The following MICAL3 variants were observed in gnomAD, a reference collection of about 807,000 sequenced individuals.
The protein encoded by MICAL3 is [F-actin]-monooxygenase MICAL3.
Under a neutral mutation model 207.4 loss-of-function variants are expected in MICAL3, and 62 were observed. The observed-to-expected ratio is 0.30, with a 90% CI of 0.24 to 0.37. The LOEUF (loss-of-function observed/expected upper bound fraction) is 0.37. Among genes scored for constraint, MICAL3 ranks in the 10% least tolerant of loss-of-function variants. The pLI is 1.00. For synonymous variants in MICAL3, 1,077 were observed against 1,069.3 expected (o/e 1.01, Z -0.14); for missense variants, 2,368 against 2,635.6 (o/e 0.90, Z 2.22).
Position 17,904,729 on chromosome 22 carries a change from G to T in MICAL3, c.375C>A (p.Asn125Lys). 6.2e-7 allele frequency: 1 copy of T among 1,613,834 alleles called. No individual in the cohort carries two copies. Among genetic ancestry groups the T allele is most frequent in the Non-Finnish European group, 8.5e-7 (1 of 1,179,724 alleles). The change falls in exon 3 of 32, where the codon AAC becomes AAA. Residue 125 changes from asparagine to lysine, a missense_variant. Physicochemically the swap from Asn to Lys is moderately conservative, Grantham distance 94 (BLOSUM62 0). Transcript: ENST00000441493. ...TGGTGAATGGCCAGAGATGCAAGAC[G>T]TTGTTGCGGGAGAAGGCATCTCGTT... is the stretch of plus-strand genomic sequence containing the variant. ...IEKRDAFSRN[N>K]VLHLWPFTIH...
chr22:17,907,357 G>A lies in MICAL3; in HGVS notation c.-74-471C>T, dbSNP rs191881421. Among the ~76,000 whole-genome samples, 304 of 152,276 alleles carry A rather than the reference G, an allele frequency of 2.0e-3. 1 individual carries two copies. The highest frequency in any genetic ancestry group is 7.0e-3 in the African/African-American group (289 of 41,574). On this transcript the variant is annotated intron_variant, in intron 1 of 31. Coordinates refer to ENST00000441493, the MANE Select transcript of MICAL3 (RefSeq NM_015241.3). ...GCCTGAGTGACTCGTACAGATCAAA[G>A]AGGCAAGGATAACTCCCAGGTTTCC...
chr22:17,951,364 T>A (rs1177582762), intron 1 of MICAL3, among the ~76,000 whole-genome samples: 1 of 152,124 alleles, frequency 6.6e-6, no homozygotes, highest in Non-Finnish European at 1.5e-5. Context: ...AAGCTCCATC[T>A]ACCTTACTAT....
intron 13 of MICAL3, 48 bp downstream of exon 13, chr22:17,888,986 C>T (rs979052536): frequency 4.3e-6 from 6 of 1,384,716 alleles, no homozygotes; most frequent in Non-Finnish European, 6.0e-6. Context: ...ACAGCCGGGC[C>T]ACAGCACAGC....
At chr22:17,975,699 C>T (rs1275641886) in intron 1 of MICAL3, among the ~76,000 whole-genome samples, 2 of 152,116 alleles carry the variant, frequency 1.3e-5, no homozygotes, top group African/African-American at 4.8e-5. Context: ...CCCCAAAAAA[C>T]AGAACCCAGC....
intron 17 of MICAL3, among the ~76,000 whole-genome samples, chr22:17,870,393 C>T (rs2146161735): frequency 6.6e-6 from 1 of 152,214 alleles, no homozygotes; most frequent in East Asian, 1.9e-4. Context: ...GAGCCTTTCG[C>T]TGCACACACT....
rs1325284169 is a variant in MICAL3 at position 17,790,510 on chromosome 22, C to G, written c.*222G>C. 2 of 574,998 alleles carry G rather than the reference C, an allele frequency of 3.5e-6. No individual in the cohort carries two copies. The highest frequency in any genetic ancestry group is 3.7e-5 in the African/African-American group (2 of 53,510). The allele number at this position is 574,998 out of a possible 1,614,324, so 35.6% of individuals were successfully genotyped here. A position where few individuals can be genotyped will look rare whatever the true frequency, so the allele number is the denominator to read the frequency against. On this transcript the variant is annotated 3_prime_UTR_variant, in exon 32 of 32. Transcript: ENST00000441493. The stretch of plus-strand genomic sequence containing the variant: ...GTGCTGCTCCTCTGAGTGGGAGGTC[C>G]AGGTGGGCCTCCTCCCAGGAGGTGG...
At chr22:17,838,694 T>G (rs901333625) in intron 20 of MICAL3, among the ~76,000 whole-genome samples, 2 of 152,206 alleles carry the variant, frequency 1.3e-5, no homozygotes, top group Admixed American at 1.3e-4. Flanking sequence ...TGCTGTCCCC[T>G]GCAGCAGAGG....
intron 27 of MICAL3, among the ~76,000 whole-genome samples, chr22:17,812,268 G>A (rs1569075164): frequency 1.3e-5 from 2 of 152,192 alleles, no homozygotes; most frequent in Admixed American, 6.5e-5. Flanking sequence ...GCTGTGTCCC[G>A]ACCCGAGGAA....
chr22:17,834,686 G>A (rs760888901), intron 20 of MICAL3: 10 of 831,380 alleles, frequency 1.2e-5, no homozygotes, highest in South Asian at 4.9e-5. Context: ...AGGAGAGGTC[G>A]AAAGTGGGCA....
At chr22:18,022,425 C>T (rs1924543189) in intron 1 of MICAL3, among the ~76,000 whole-genome samples, 1 of 151,732 alleles carries the variant, frequency 6.6e-6, no homozygotes. Context: ...GACCTGCACC[C>T]CCACCCTTTT....
rs369106641 is a variant in MICAL3 at position 17,817,727 on chromosome 22, C to T, written c.4934G>A (p.Arg1645His). 29 of 1,589,624 alleles carry T rather than the reference C, an allele frequency of 1.8e-5. No individual in the cohort carries two copies. The highest frequency in any genetic ancestry group is 6.9e-5 in the Admixed American group (4 of 57,794). Residue 1645 changes from arginine (R) to histidine (H), a missense_variant, in exon 26 of 32, where the codon CGC (arginine) becomes CAC (histidine). Arg to His is a conservative substitution (Grantham distance 29). Around this residue, in one of 4 missense-constraint regions of MICAL3, gnomAD observed 1,770 missense variants for 1,863.2 expected, o/e 0.95. Transcript: ENST00000441493. ...ASSAPSQGKE[R>H]RPDSPTRPTL... The stretch of plus-strand genomic sequence containing the variant: ...GGGGCGTGTGGGGGAGTCAGGCCGG[C>T]GCTCCTTGCCCTGGGAGGGTGCTGA...
chr22:17,857,302 G>A (rs1388519983), intron 19 of MICAL3, among the ~76,000 whole-genome samples: 1 of 152,178 alleles, frequency 6.6e-6, no homozygotes, highest in African/African-American at 2.4e-5. Flanking sequence ...ATTCTCCCAG[G>A]AGCGGGAACC....
At chr22:17,803,796 C>T (rs1412339513) in intron 29 of MICAL3, 7 of 984,204 alleles carry the variant, frequency 7.1e-6, no homozygotes, top group East Asian at 1.1e-4. Context: ...TCAGCACAGG[C>T]GCTGCCATAC....
chr22:17,895,616 G>A (rs1198437926), intron 9 of MICAL3, among the ~76,000 whole-genome samples: 3 of 151,946 alleles, frequency 2.0e-5, no homozygotes, highest in East Asian at 3.9e-4. Flanking sequence ...GGTAAGAGCC[G>A]AGGAGAGAGA....
At chr22:17,794,524 G>C (rs1374805682) in intron 29 of MICAL3, among the ~76,000 whole-genome samples, 4 of 152,228 alleles carry the variant, frequency 2.6e-5, no homozygotes, top group Non-Finnish European at 5.9e-5. Context: ...TCTGAGCCAG[G>C]ACAATTTTGG....
At chr22:18,005,819 T>A (rs1923353000) in intron 1 of MICAL3, 1 of 152,216 alleles carries the variant, frequency 6.6e-6, no homozygotes, top group African/African-American at 2.4e-5. Context: ...CAACTGGCTG[T>A]TTAGCAAACT....
chr22:17,954,925 T>C (rs1934540016), intron 1 of MICAL3, among the ~76,000 whole-genome samples: 1 of 152,104 alleles, frequency 6.6e-6, no homozygotes, highest in Non-Finnish European at 1.5e-5. Flanking sequence ...TGTTTCACCA[T>C]GTTGGCTAGG....
chr22:17,915,206 G>A (rs1382942982), intron 1 of MICAL3, among the ~76,000 whole-genome samples: 1 of 152,214 alleles, frequency 6.6e-6, no homozygotes, highest in Non-Finnish European at 1.5e-5. Flanking sequence ...AGCAAAAACC[G>A]CACTGACTTT....
intron 1 of MICAL3, among the ~76,000 whole-genome samples, chr22:18,017,221 T>TC (rs1924115188): frequency 6.6e-6 from 1 of 152,058 alleles, no homozygotes; most frequent in Non-Finnish European, 1.5e-5. Flanking sequence ...TTAACTTTTT[T>TC]TTTTTTTTTG....
Sources: allele counts gnomAD v4.1 joint callset (sites outside exome capture counted in the v4.1 genomes callset), GRCh38; gene constraint gnomAD v4.1.1; regional missense constraint gnomAD v4.1.1; transcripts MANE v1.5; gene names NCBI Gene and HGNC (gene_info 2026-07-23, HGNC 2026-07-21).